Variants in FCRL2 observed in about 807,000 individuals in gnomAD.
FCRL2 encodes the protein Fc receptor-like protein 2.
In FCRL2, 48 loss-of-function variants were observed where a neutral mutation model predicts 59.8. The observed-to-expected ratio is 0.80, with a 90% CI of 0.64 to 1.02. FCRL2 has a LOEUF of 1.02. Ranked by LOEUF, FCRL2 falls within the 50% of genes least tolerant of loss-of-function variation. FCRL2 has a pLI of 0.00. For synonymous variants in FCRL2, 251 were observed against 229.5 expected, an observed-to-expected ratio of 1.09 and a Z score of -0.85; for missense variants, 658 against 597.3, an observed-to-expected ratio of 1.10 and a Z score of -1.06.
chr1:157,749,691 A>G lies in FCRL2; in HGVS notation c.1280-14T>C. The G allele has an allele frequency of 6.2e-7, 1 of 1,604,900 alleles. No individual in the cohort carries two copies. Among genetic ancestry groups the G allele is most frequent in the Non-Finnish European group, 8.5e-7 (1 of 1,173,906 alleles). On this transcript the variant is annotated splice_polypyrimidine_tract_variant and intron_variant, in intron 7 of 11. Transcript: ENST00000361516. ...CAGAACTTTCTCCTGAAATGCAAAT[A>G]AAACAAAATTCATTTCAGAGAAGGA... is the stretch of plus-strand genomic sequence containing the variant.
At chr1:157,767,174 G>C in intron 6 of FCRL2, 57 bp downstream of exon 6, 1 of 1,558,798 alleles carries the variant, frequency 6.4e-7, no homozygotes. Flanking sequence ...GACATCTCCA[G>C]GCTGGTGAGA....
At chr1:157,756,552 G>T (rs1648602556) in intron 7 of FCRL2, among the ~76,000 whole-genome samples, 2 of 152,166 alleles carry the variant, frequency 1.3e-5, no homozygotes, top group Admixed American at 1.3e-4. Flanking sequence ...TGGCGAGCAT[G>T]CCTGTGGTCC....
chr1:157,777,069 A>C lies in FCRL2; in HGVS notation c.5T>G (p.Leu2Arg). 1 of 1,614,184 alleles carries C rather than the reference A, an allele frequency of 6.2e-7. No individual in the cohort carries two copies. Among genetic ancestry groups the C allele is most frequent in the Admixed American group, 1.7e-5 (1 of 60,028 alleles). The change falls in exon 1 of 12, where the codon CTG becomes CGG. Residue 2 changes from leucine (L) to arginine (R), a missense_variant. Physicochemically the swap from Leu to Arg is moderately radical, Grantham distance 102. Coordinates refer to ENST00000361516, the MANE Select transcript of FCRL2 (RefSeq NM_030764.4). ...AAAGATGACCAGCAATGACCACAGC[A>C]GCATGAGGACCTAATCCAGCTATTT... M[L>R]LWSLLVIFDA...
At chr1:157,757,173 C>A (rs1419757102) in intron 7 of FCRL2, among the ~76,000 whole-genome samples, 1 of 152,172 alleles carries the variant, frequency 6.6e-6, no homozygotes, top group African/African-American at 2.4e-5. Flanking sequence ...TGATCAATAA[C>A]AAAAGTGACA....
chr1:157,751,549 AC>A (rs1164138353), intron 7 of FCRL2, among the ~76,000 whole-genome samples: 2 of 152,304 alleles, frequency 1.3e-5, no homozygotes, highest in East Asian at 3.9e-4. Flanking sequence ...CAGGGGAGAT[AC>A]GGTCATCTGC....
chr1:157,768,394 T>C lies in FCRL2; in HGVS notation c.883+20A>G, dbSNP rs1411082235. On this transcript the variant is annotated intron_variant, in intron 5 of 11. Coordinates refer to ENST00000361516, the MANE Select transcript of FCRL2 (RefSeq NM_030764.4). ...TTGGTCTGGGAATTTCTGGAAGATA[T>C]GAATGAGAGTGTCACTCACTTCTCA... 2 of 1,604,858 alleles carry C rather than the reference T, an allele frequency of 1.2e-6. No homozygotes were observed. Among genetic ancestry groups the C allele is most frequent in the African/African-American group, 2.7e-5 (2 of 74,746 alleles).
chr1:157,767,776 T>C, intron 5 of FCRL2: 1 of 1,260,376 alleles, frequency 7.9e-7, no homozygotes, highest in Non-Finnish European at 1.0e-6. Context: ...GCCCTCTTCA[T>C]ATTTCTTTTT....
intron 7 of FCRL2, among the ~76,000 whole-genome samples, chr1:157,752,681 A>G (rs1281687308): frequency 3.9e-5 from 6 of 152,214 alleles, no homozygotes; most frequent in Non-Finnish European, 8.8e-5. Context: ...ATCAGTTATC[A>G]TAGCAAAAAT....
intron 7 of FCRL2, among the ~76,000 whole-genome samples, chr1:157,765,791 AAGTTTG>A (rs992194271): frequency 1.3e-5 from 2 of 152,202 alleles, no homozygotes; most frequent in African/African-American, 4.8e-5. Flanking sequence ...ATACCTAGGC[AAGTTTG>A]AAGCACCAGG....
intron 7 of FCRL2, among the ~76,000 whole-genome samples, chr1:157,750,295 C>T (rs1648092039): frequency 6.6e-6 from 1 of 152,142 alleles, no homozygotes; most frequent in African/African-American, 2.4e-5. Context: ...ATTTTCTAGT[C>T]CTCCATTAAT....
Position 157,746,556 on chromosome 1 carries a change from T to A in FCRL2, c.*180A>T. The A allele has an allele frequency of 1.6e-6, 1 of 610,714 alleles. No individual in the cohort carries two copies. Among genetic ancestry groups the A allele is most frequent in the South Asian group, 2.0e-5 (1 of 49,606 alleles). 37.8% of individuals were successfully genotyped at this position (610,714 alleles called of 1,614,324 possible). On this transcript the variant is annotated 3_prime_UTR_variant, in exon 12 of 12. Coordinates refer to ENST00000361516, the MANE Select transcript of FCRL2 (RefSeq NM_030764.4). ...GTAGCAGCAGTTCAATGAATATTGA[T>A]AGGTAAAAGAAGATATTGGAGAAGA...
At chr1:157,768,362 C>T (rs893354943) in intron 5 of FCRL2, 52 bp downstream of exon 5, 16 of 1,574,264 alleles carry the variant, frequency 1.0e-5, no homozygotes, top group East Asian at 4.5e-5. Flanking sequence ...ACATGTGTAT[C>T]ATGACCTTGG....
intron 7 of FCRL2, among the ~76,000 whole-genome samples, chr1:157,750,346 C>T (rs12096234): frequency 2.0e-5 from 3 of 152,214 alleles, no homozygotes; most frequent in East Asian, 1.9e-4. Flanking sequence ...ATAGAGGCCA[C>T]CCCAGCTCAA....
rs1239219631 is a variant in FCRL2 at position 157,746,865 on chromosome 1, G to C, written c.1488+6C>G. On this transcript the variant is annotated splice_donor_region_variant and intron_variant, in intron 11 of 11. Coordinates refer to ENST00000361516, the MANE Select transcript of FCRL2 (RefSeq NM_030764.4). Reference sequence around the variant, plus strand: ...AGATGAAGAAATTCCAAGGTGTCTAGCTCACCTTGTTCTCCAGAAGTGTCC... The same window carrying C: ...AGATGAAGAAATTCCAAGGTGTCTACCTCACCTTGTTCTCCAGAAGTGTCC... 6.2e-7 allele frequency: 1 copy of C among 1,613,684 alleles called. No homozygotes were observed. Among genetic ancestry groups the C allele is most frequent in the African/African-American group, 1.3e-5 (1 of 74,928 alleles).
At chr1:157,771,083 C>A (rs1181504102) in intron 2 of FCRL2, among the ~76,000 whole-genome samples, 1 of 152,116 alleles carries the variant, frequency 6.6e-6, no homozygotes, top group African/African-American at 2.4e-5. Context: ...ATGAGGGTTC[C>A]ACCGTCATGA....
rs764532671 is a variant in FCRL2 at position 157,768,537 on chromosome 1, G to A, written c.760C>T (p.Arg254Cys). 5.0e-6 allele frequency: 8 copies of A among 1,614,194 alleles called. No individual in the cohort carries two copies. The highest frequency in any genetic ancestry group is 4.5e-5 in the East Asian group (2 of 44,890). ...TGTSMGKKTQRSLSAELEIPA... is the reference protein window; with the variant it reads ...TGTSMGKKTQCSLSAELEIPA... ...ATCTCCAGCTCTGCTGACAGGGAACGCTGGGTTTTCTTTCCCATACTGGTT... is the reference window on the plus strand; with the variant it reads ...ATCTCCAGCTCTGCTGACAGGGAACACTGGGTTTTCTTTCCCATACTGGTT... The change falls in exon 5 of 12, where the codon CGT (arginine) becomes TGT (cysteine). Residue 254 changes from arginine to cysteine, a missense_variant. Coordinates refer to ENST00000361516, the MANE Select transcript of FCRL2 (RefSeq NM_030764.4).
chr1:157,756,458 A>G (rs2101690471), intron 7 of FCRL2, among the ~76,000 whole-genome samples: 1 of 152,304 alleles, frequency 6.6e-6, no homozygotes, highest in Non-Finnish European at 1.5e-5. Flanking sequence ...CAAGGTAAGA[A>G]GATCGCTTGA....
Position 157,746,615 on chromosome 1 carries a change from T to A in FCRL2, c.*121A>T. On this transcript the variant is annotated 3_prime_UTR_variant, in exon 12 of 12. Coordinates refer to ENST00000361516, the MANE Select transcript of FCRL2 (RefSeq NM_030764.4). ...CAGGACAAAAATGACAGGAGGTGCC[T>A]CCTGAGGCACGTTCTGGCTGTGGCA... 1.1e-6 allele frequency: 1 copy of A among 926,778 alleles called. No homozygotes were observed. The highest frequency in any genetic ancestry group is 1.5e-5 in the South Asian group (1 of 65,700). The allele number at this position is 926,778 out of a possible 1,614,324, so 57.4% of individuals were successfully genotyped here. A position where few individuals can be genotyped will look rare whatever the true frequency, so the allele number is the denominator to read the frequency against.
At chr1:157,760,383 G>A (rs572401251) in intron 7 of FCRL2, among the ~76,000 whole-genome samples, 13 of 152,040 alleles carry the variant, frequency 8.6e-5, no homozygotes, top group African/African-American at 2.2e-4. Flanking sequence ...AGCACTTTGC[G>A]AGGCCGAGGC....
Sources: gnomAD v4.1 joint callset for allele counts (sites outside exome capture counted in the v4.1 genomes callset) on GRCh38, gnomAD v4.1.1 for gene constraint, MANE v1.5 for transcripts, NCBI Gene and HGNC (gene_info 2026-07-23, HGNC 2026-07-21) for gene names.